The following FAF1 variants were observed in gnomAD, a reference collection of about 807,000 sequenced individuals.
The protein encoded by FAF1 is FAS-associated factor 1.
In FAF1, 25 loss-of-function variants were observed where a neutral mutation model predicts 92.5. The ratio of observed to expected loss-of-function variants is 0.27; its 90% CI spans 0.20 to 0.38. The LOEUF (loss-of-function observed/expected upper bound fraction) is 0.38. Ranked by LOEUF, FAF1 falls within the 10% of genes least tolerant of loss-of-function variation. The probability of loss-of-function intolerance (pLI) is 1.00; values close to 1 mark genes in which losing one functional copy is unlikely to be tolerated. For missense variants in FAF1, 636 were observed against 793.3 expected, an observed-to-expected ratio of 0.80 and a Z score of 2.38; for synonymous variants, 234 against 273.2, an observed-to-expected ratio of 0.86 and a Z score of 1.42.
chr1:50,599,187 A>C (rs1289547022), intron 8 of FAF1, among the ~76,000 whole-genome samples: 2 of 152,056 alleles, frequency 1.3e-5, no homozygotes, highest in Non-Finnish European at 2.9e-5. Context: ...ATCTCAGCTC[A>C]CTGCAACCTC....
At chr1:50,713,970 A>G (rs1032610358) in intron 6 of FAF1, among the ~76,000 whole-genome samples, 6 of 149,230 alleles carry the variant, frequency 4.0e-5, no homozygotes, top group African/African-American at 1.5e-4. Flanking sequence ...ACGGGGTTTC[A>G]CCATCTTGGC....
intron 8 of FAF1, among the ~76,000 whole-genome samples, chr1:50,624,009 AAAG>A (rs1023630054): frequency 1.0e-4 from 13 of 125,654 alleles, no homozygotes; most frequent in Non-Finnish European, 1.9e-4. Context: ...GAAGAAGAAG[AAAG>A]AAGAAGAAGA....
At chr1:50,843,338 T>A (rs566269420) in intron 2 of FAF1, among the ~76,000 whole-genome samples, 4 of 152,318 alleles carry the variant, frequency 2.6e-5, no homozygotes, top group African/African-American at 4.8e-5. Context: ...TGTACAATGA[T>A]AAAATCTGGG....
chr1:50,791,378 C>T (rs1307214385), intron 3 of FAF1, among the ~76,000 whole-genome samples: 6 of 152,188 alleles, frequency 3.9e-5, no homozygotes, highest in African/African-American at 1.4e-4. Flanking sequence ...CTCTGTGATG[C>T]TGGGGCCAGT....
chr1:50,916,309 A>C (rs142931721), intron 1 of FAF1, among the ~76,000 whole-genome samples: 2 of 152,350 alleles, frequency 1.3e-5, no homozygotes, highest in East Asian at 3.9e-4. Context: ...TAAGTAAATT[A>C]TTCAGTCACA....
At chr1:50,503,608 C>A (rs539299905) in intron 15 of FAF1, among the ~76,000 whole-genome samples, 1 of 149,608 alleles carries the variant, frequency 6.7e-6, no homozygotes, top group Non-Finnish European at 1.5e-5. Flanking sequence ...GAGTGATTCC[C>A]TGTCTCTTTA....
intron 1 of FAF1, among the ~76,000 whole-genome samples, chr1:50,909,097 TTGTC>T (rs1644862920): frequency 6.6e-6 from 1 of 152,202 alleles, no homozygotes; most frequent in Non-Finnish European, 1.5e-5. Context: ...CAGCATTTGC[TTGTC>T]TGTAAGGGAT....
intron 9 of FAF1, among the ~76,000 whole-genome samples, chr1:50,592,937 CAAAA>C (rs1374336185): frequency 1.1e-5 from 1 of 92,306 alleles, no homozygotes; most frequent in Non-Finnish European, 2.3e-5. Context: ...GACTCTGTTT[CAAAA>C]AAAAAAAAAA....
At chr1:50,535,008 AG>A (rs1273205720) in intron 15 of FAF1, among the ~76,000 whole-genome samples, 2 of 152,208 alleles carry the variant, frequency 1.3e-5, no homozygotes, top group Non-Finnish European at 2.9e-5. Context: ...ATATTTAAAA[AG>A]AGTAAGAGGA....
chr1:50,591,598 G>A (rs1335456115), intron 9 of FAF1, among the ~76,000 whole-genome samples: 4 of 150,078 alleles, frequency 2.7e-5, no homozygotes, highest in African/African-American at 9.8e-5. Context: ...GCTTGCACCC[G>A]AGAGGTGGAG....
At position 50,554,887 on chromosome 1, in the gene FAF1, C is replaced by T. The variant is rs79941013; in HGVS notation, c.1268+12190G>A. ...ACTTGTCTAATATCATCTTGTTTTT[C>T]GTATTTCCAGCCTGACTGAGCCTTA... is the stretch of plus-strand genomic sequence containing the variant. On this transcript the variant is annotated intron_variant, in intron 13 of 18. Transcript: ENST00000396153. Among the ~76,000 whole-genome samples, 228 of 152,064 alleles carry T rather than the reference C, an allele frequency of 1.5e-3. 6 individuals carry two copies. In the East Asian group the frequency reaches 0.037, roughly 25 times the overall value.
At chr1:50,607,691 C>T (rs1465042432) in intron 8 of FAF1, among the ~76,000 whole-genome samples, 1 of 152,174 alleles carries the variant, frequency 6.6e-6, no homozygotes, top group Admixed American at 6.5e-5. Flanking sequence ...TTTCTGAAAG[C>T]CTTCTATATG....
chr1:50,477,975 A>G (rs1239666035), intron 17 of FAF1, among the ~76,000 whole-genome samples: 1 of 152,234 alleles, frequency 6.6e-6, no homozygotes, highest in Non-Finnish European at 1.5e-5. Context: ...CTAGTAACTA[A>G]GAATTAAACA....
At chr1:50,569,290 A>G (rs926907192) in intron 12 of FAF1, among the ~76,000 whole-genome samples, 4 of 152,100 alleles carry the variant, frequency 2.6e-5, no homozygotes. Context: ...TCTAGACTAA[A>G]TTTCTCAAAA....
intron 18 of FAF1, among the ~76,000 whole-genome samples, chr1:50,473,736 T>C (rs555079881): frequency 6.6e-6 from 1 of 152,250 alleles, no homozygotes; most frequent in Non-Finnish European, 1.5e-5. Flanking sequence ...GGAACAATAG[T>C]CAGCACCTGG....
intron 4 of FAF1, among the ~76,000 whole-genome samples, chr1:50,751,755 G>A (rs1013871912): frequency 6.6e-6 from 1 of 152,066 alleles, no homozygotes; most frequent in African/African-American, 2.4e-5. Context: ...ATTTTGTAAA[G>A]GATTTCTCCC....
chr1:50,752,167 C>G (rs2137676), intron 4 of FAF1, among the ~76,000 whole-genome samples: 10,094 of 152,142 alleles, frequency 0.066, 413 homozygotes, highest in East Asian at 0.095. Flanking sequence ...ACGGGGGTCT[C>G]GTCCTGTTGG....
intron 13 of FAF1, among the ~76,000 whole-genome samples, chr1:50,554,390 T>TATATATATATATAGAGAGAGAGAGAG: frequency 5.4e-4 from 51 of 93,662 alleles, no homozygotes; most frequent in African/African-American, 8.5e-4. Flanking sequence ...TATATATATA[T>TATATATATATATAGAGAGAGAGAGAG]AGAGAGAGAG....
intron 18 of FAF1, among the ~76,000 whole-genome samples, chr1:50,459,176 A>T (rs1253329016): frequency 6.6e-6 from 1 of 151,908 alleles, no homozygotes; most frequent in Non-Finnish European, 1.5e-5. Flanking sequence ...GTATTGCTAC[A>T]TTGCTCAGGC....
Sources: allele counts gnomAD v4.1 joint callset (sites outside exome capture counted in the v4.1 genomes callset), GRCh38; gene constraint gnomAD v4.1.1; transcripts MANE v1.5; gene names NCBI Gene and HGNC (gene_info 2026-07-23, HGNC 2026-07-21).